RPL34: variants seen among roughly 807,000 people sequenced by gnomAD.
The protein encoded by RPL34 is ribosomal protein L34.
Under a neutral mutation model 16.3 loss-of-function variants are expected in RPL34, and 2 were observed. That is an observed-to-expected ratio of 0.12 (90% CI 0.05 to 0.39). The LOEUF (loss-of-function observed/expected upper bound fraction) is 0.39. Ranked by LOEUF, RPL34 falls within the 10% of genes least tolerant of loss-of-function variation. The pLI, the probability that RPL34 is intolerant of heterozygous loss-of-function variation, is 0.99. For synonymous variants in RPL34, 47 were observed against 48.5 expected (o/e 0.97, Z 0.13); for missense variants, 82 against 148.8 (o/e 0.55, Z 2.33).
chr4:108,622,105 G>A lies in RPL34; in HGVS notation c.66G>A (p.Leu22=). The change falls in exon 3 of 5, where the codon CTG becomes CTA. Residue 22 remains leucine, a splice_region_variant and synonymous_variant. Transcript: ENST00000394667. ...ACCTACTGACTGTTTCACTTTCTAGGTCCCGAACCCCTGGTAATAGAATTG... is the reference window on the plus strand; with the variant it reads ...ACCTACTGACTGTTTCACTTTCTAGATCCCGAACCCCTGGTAATAGAATTG... ...SYNTASNKTR[L]SRTPGNRIVY... The A allele has an allele frequency of 6.2e-7, 1 of 1,612,564 alleles. No individual in the cohort carries two copies. Among genetic ancestry groups the A allele is most frequent in the Non-Finnish European group, 8.5e-7 (1 of 1,178,642 alleles).
intron 4 of RPL34, 173 bp downstream of exon 4, chr4:108,622,791 ATAAT>A: frequency 2.1e-6 from 1 of 472,192 alleles, no homozygotes; most frequent in Non-Finnish European, 3.8e-6. Flanking sequence ...ATTCAAAGTA[ATAAT>A]TTGGGGGCAT....
At chr4:108,624,156 G>A (rs1056046644) in intron 4 of RPL34, among the ~76,000 whole-genome samples, 1 of 152,216 alleles carries the variant, frequency 6.6e-6, no homozygotes, top group African/African-American at 2.4e-5. Context: ...CTTATCTCCT[G>A]AAGATTTGAA....
chr4:108,621,631 C>T (rs1357474929), intron 1 of RPL34: 1 of 287,508 alleles, frequency 3.5e-6, no homozygotes, highest in South Asian at 3.7e-5. Flanking sequence ...TTGTTTAAAG[C>T]GGTGTTTCTC....
chr4:108,625,263 AC>A lies in RPL34; in HGVS notation c.*52del. 8.8e-7 allele frequency: 1 copy of A among 1,138,302 alleles called. No homozygotes were observed. The allele number at this position is 1,138,302 out of a possible 1,614,324, so 70.5% of individuals were successfully genotyped here. A position where few individuals can be genotyped will look rare whatever the true frequency, so the allele number is the denominator to read the frequency against. ...AAAATGAAAAGACGCTGTATGTATG[AC>A]TTTTTTTTTTTCTGTTGTAATGTGT... On this transcript the variant is annotated 3_prime_UTR_variant, in exon 5 of 5. Transcript: ENST00000394667.
Position 108,625,301 on chromosome 4 carries a change from T to C in RPL34, c.*89T>C. 1.4e-6 allele frequency: 1 copy of C among 727,764 alleles called. No individual in the cohort carries two copies. The allele number at this position is 727,764 out of a possible 1,614,324, so 45.1% of individuals were successfully genotyped here. Reference sequence around the variant, plus strand: ...CTGTTGTAATGTGTTAGTATACAGATTTTGTTTCTGTATGGTATTTGGGGA... The same window carrying C: ...CTGTTGTAATGTGTTAGTATACAGACTTTGTTTCTGTATGGTATTTGGGGA... On this transcript the variant is annotated 3_prime_UTR_variant, in exon 5 of 5. Transcript: ENST00000394667.
downstream of RPL34, chr4:108,625,431 G>A (rs766932676): frequency 2.3e-6 from 1 of 435,626 alleles, no homozygotes; most frequent in African/African-American, 2.0e-5. Context: ...TGTTGCCTAG[G>A]CTGGAGTACA....
intron 1 of RPL34, chr4:108,621,654 T>A (rs573293267): frequency 3.2e-5 from 10 of 311,410 alleles, no homozygotes; most frequent in Non-Finnish European, 5.6e-5. Flanking sequence ...ACTGGGCTCG[T>A]GGCACTTTTC....
rs761738263 is a variant in RPL34 at position 108,625,210 on chromosome 4, T to TA, written c.*5dup. The change falls in exon 5 of 5, where the codon TAA becomes TAAA. Residue 118 remains the stop codon, a frameshift_variant and stop_retained_variant. Coordinates refer to ENST00000394667, the MANE Select transcript of RPL34 (RefSeq NM_001319236.2). LOFTEE classifies it high-confidence loss of function. ...ACAAGCACAGAGTCAGAAAGCTAAA[T>TA]AAAAAAATGAAACTTTTTTGAGTAA... The part of the protein sequence containing the change: ...KAQAQSQKAK[*] 2 of 1,595,094 alleles carry TA rather than the reference T, an allele frequency of 1.3e-6. No homozygotes were observed. Among genetic ancestry groups the TA allele is most frequent in the East Asian group, 2.2e-5 (1 of 44,774 alleles).
In RPL34 at chr4:108,625,300, A is replaced by T. The variant is rs539838491; in HGVS notation, c.*88A>T. On this transcript the variant is annotated 3_prime_UTR_variant, in exon 5 of 5. Transcript: ENST00000394667. Reference sequence around the variant, plus strand: ...TCTGTTGTAATGTGTTAGTATACAGATTTTGTTTCTGTATGGTATTTGGGG... The same window carrying T: ...TCTGTTGTAATGTGTTAGTATACAGTTTTTGTTTCTGTATGGTATTTGGGG... 8.8e-5 allele frequency: 64 copies of T among 728,906 alleles called. No homozygotes were observed. The South Asian group carries it at 1.1e-3, about 13-fold the overall frequency. 45.2% of individuals were successfully genotyped at this position (728,906 alleles called of 1,614,324 possible). A position where few individuals can be genotyped will look rare whatever the true frequency, so the allele number is the denominator to read the frequency against.
At chr4:108,625,971 G>A (rs1725986637), downstream of RPL34, among the ~76,000 whole-genome samples, 1 of 152,024 alleles carries the variant, frequency 6.6e-6, no homozygotes, top group African/African-American at 2.4e-5. Context: ...GTTCTTTTAG[G>A]TCACTTCAGT....
At chr4:108,630,354 G>A (rs901381854), downstream of RPL34, 3 of 152,030 alleles carry the variant, frequency 2.0e-5, no homozygotes, top group Non-Finnish European at 4.4e-5. Context: ...TTAATACTTC[G>A]ATTCTGTAAA....
intron 3 of RPL34, 40 bp from the exon 4 acceptor site, chr4:108,622,475 G>T (rs1488801024): frequency 6.7e-7 from 1 of 1,495,922 alleles, no homozygotes; most frequent in Non-Finnish European, 9.3e-7. Context: ...GGAAATTTCT[G>T]TTAAAGCATC....
Position 108,622,605 on chromosome 4 carries a change from T to C in RPL34, c.256T>C (p.Cys86Arg). 4.4e-6 allele frequency: 7 copies of C among 1,594,350 alleles called. No homozygotes were observed. Among genetic ancestry groups the C allele is most frequent in the Non-Finnish European group, 6.0e-6 (7 of 1,173,280 alleles). Reference protein sequence around the residue: ...RAYGGSMCAKCVRDRIKRAFL... With the variant: ...RAYGGSMCAKRVRDRIKRAFL... ...CTATGGTGGTTCCATGTGTGCTAAATGTGTTCGTGACAGGTAAGTTAAATG... is the reference window on the plus strand; with the variant it reads ...CTATGGTGGTTCCATGTGTGCTAAACGTGTTCGTGACAGGTAAGTTAAATG... Residue 86 changes from cysteine to arginine, a missense_variant, in exon 4 of 5, where the codon TGT becomes CGT. Coordinates refer to ENST00000394667, the MANE Select transcript of RPL34 (RefSeq NM_001319236.2).
Position 108,625,282 on chromosome 4 carries a change from T to A in RPL34, c.*70T>A. 1.1e-6 allele frequency: 1 copy of A among 875,072 alleles called. No homozygotes were observed. Among genetic ancestry groups the A allele is most frequent in the Non-Finnish European group, 1.8e-6 (1 of 543,860 alleles). 54.2% of individuals were successfully genotyped at this position (875,072 alleles called of 1,614,324 possible). ...TGTATGACTTTTTTTTTTTCTGTTGTAATGTGTTAGTATACAGATTTTGTT... is the reference window on the plus strand; with the variant it reads ...TGTATGACTTTTTTTTTTTCTGTTGAAATGTGTTAGTATACAGATTTTGTT... On this transcript the variant is annotated 3_prime_UTR_variant, in exon 5 of 5. Coordinates refer to ENST00000394667, the MANE Select transcript of RPL34 (RefSeq NM_001319236.2).
downstream of RPL34, among the ~76,000 whole-genome samples, chr4:108,627,469 A>G (rs946305429): frequency 6.6e-6 from 1 of 152,322 alleles, no homozygotes; most frequent in South Asian, 2.1e-4. Context: ...CCCCACTGCC[A>G]GTTAACTTGT....
Position 108,625,252 on chromosome 4 carries a change from C to T in RPL34, c.*40C>T, listed in dbSNP as rs1328691928. 3 of 1,278,004 alleles carry T rather than the reference C, an allele frequency of 2.3e-6. No homozygotes were observed. In the African/African-American group the frequency reaches 4.5e-5, roughly 19 times the overall value. 79.2% of individuals were successfully genotyped at this position (1,278,004 alleles called of 1,614,324 possible). ...TTTGAGTAATAAAAATGAAAAGACG[C>T]TGTATGTATGACTTTTTTTTTTTCT... On this transcript the variant is annotated 3_prime_UTR_variant, in exon 5 of 5. Transcript: ENST00000394667.
rs1033388389 is a variant in RPL34, at chr4:108,622,156, G to A, written c.117G>A (p.Gly39=). The change falls in exon 3 of 5, where the codon GGG becomes GGA. Residue 39 remains glycine (G), a synonymous_variant. Coordinates refer to ENST00000394667, the MANE Select transcript of RPL34 (RefSeq NM_001319236.2). ...RIVYLYTKKV[G]KAPKSACGVC... ...TTTACCTTTATACCAAGAAGGTTGG[G>A]AAAGCACCAAAATCTGCATGTGGTG... 10 of 1,613,620 alleles carry A rather than the reference G, an allele frequency of 6.2e-6. No individual in the cohort carries two copies. The African/African-American group carries it at 9.3e-5, about 15-fold the overall frequency.
intron 1 of RPL34, chr4:108,621,535 G>A (rs1314944499): frequency 7.0e-5 from 15 of 214,824 alleles, no homozygotes; most frequent in Non-Finnish European, 4.8e-5. Context: ...CCATGTTAGA[G>A]ATAAGGAGGC....
chr4:108,628,833 T>C (rs1462945873), downstream of RPL34, among the ~76,000 whole-genome samples: 2 of 152,142 alleles, frequency 1.3e-5, no homozygotes, highest in African/African-American at 4.8e-5. Context: ...ATTATTATTA[T>C]TATTTTGGAG....
Sources: gnomAD v4.1 joint callset for allele counts (sites outside exome capture counted in the v4.1 genomes callset) on GRCh38, gnomAD v4.1.1 for gene constraint, MANE v1.5 for transcripts, NCBI Gene and HGNC (gene_info 2026-07-23, HGNC 2026-07-21) for gene names.